Variants in VTA1 observed in about 807,000 individuals in gnomAD.
VTA1 encodes vacuolar protein sorting-associated protein VTA1 homolog.
VTA1 carries 24 observed loss-of-function variants against 36.9 expected under a neutral mutation model. The observed-to-expected ratio is 0.65, with a 90% CI of 0.47 to 0.91. The LOEUF (loss-of-function observed/expected upper bound fraction) is 0.91. Ranked by LOEUF, VTA1 falls within the 40% of genes least tolerant of loss-of-function variation. The probability of loss-of-function intolerance (pLI) is 0.00; values close to 1 mark genes in which losing one functional copy is unlikely to be tolerated. For missense variants in VTA1, 393 were observed against 377.2 expected, an observed-to-expected ratio of 1.04 and a Z score of -0.35; for synonymous variants, 142 against 130.2, an observed-to-expected ratio of 1.09 and a Z score of -0.62.
At chr6:142,155,492 A>G (rs1778646143) in intron 1 of VTA1, among the ~76,000 whole-genome samples, 1 of 152,190 alleles carries the variant, frequency 6.6e-6, no homozygotes. Context: ...ATTACAAAGC[A>G]TCTTTTATAA....
chr6:142,209,077 A>G (rs1165595881), intron 7 of VTA1, among the ~76,000 whole-genome samples: 1 of 152,188 alleles, frequency 6.6e-6, no homozygotes, highest in Non-Finnish European at 1.5e-5. Context: ...AAGTCAAATT[A>G]GCCTTGCTCA....
In VTA1 at chr6:142,218,597, A is replaced by G. The variant is rs780347299; in HGVS notation, c.878A>G (p.Gln293Arg). ...LQYEDVSTAV[Q>R]NLQKALKLLT... is the part of the protein sequence containing the mutation. ...TATGAAGATGTAAGCACTGCTGTCC[A>G]GAATCTACAAAAGGCTCTCAAGTTA... The change falls in exon 8 of 8, where the codon CAG (glutamine) becomes CGG (arginine). Residue 293 changes from glutamine (Q) to arginine (R), a missense_variant. Transcript: ENST00000367630. 1 of 1,612,950 alleles carries G rather than the reference A, an allele frequency of 6.2e-7. No individual in the cohort carries two copies. Among genetic ancestry groups the G allele is most frequent in the Non-Finnish European group, 8.5e-7 (1 of 1,179,582 alleles).
At chr6:142,178,841 A>T (rs980571765) in intron 4 of VTA1, among the ~76,000 whole-genome samples, 2 of 152,100 alleles carry the variant, frequency 1.3e-5, no homozygotes, top group Non-Finnish European at 2.9e-5. Flanking sequence ...CCTTAACTGT[A>T]TACTGTTTCT....
At chr6:142,181,687 A>C in intron 4 of VTA1, among the ~76,000 whole-genome samples, 1 of 151,646 alleles carries the variant, frequency 6.6e-6, no homozygotes, top group East Asian at 1.9e-4. Context: ...TACCGACCTT[A>C]CCTTGTTTGG....
At chr6:142,176,709 G>GT (rs1319673024) in intron 4 of VTA1, among the ~76,000 whole-genome samples, 1 of 151,462 alleles carries the variant, frequency 6.6e-6, no homozygotes, top group East Asian at 1.9e-4. Flanking sequence ...CATACAGATA[G>GT]ATATACAGCA....
intron 1 of VTA1, among the ~76,000 whole-genome samples, chr6:142,156,990 AC>A (rs1046121934): frequency 1.2e-4 from 19 of 152,140 alleles, no homozygotes; most frequent in African/African-American, 4.6e-4. Flanking sequence ...ATATGGTGAA[AC>A]CCTGTCTACT....
intron 1 of VTA1, among the ~76,000 whole-genome samples, chr6:142,152,070 TAAAAC>T (rs1054099538): frequency 2.6e-5 from 4 of 151,036 alleles, no homozygotes; most frequent in African/African-American, 9.7e-5. Context: ...AAGAAGAAAA[TAAAAC>T]AGCTGATGAG....
chr6:142,208,556 A>G (rs976780628), intron 7 of VTA1, among the ~76,000 whole-genome samples: 13 of 152,218 alleles, frequency 8.5e-5, no homozygotes, highest in Non-Finnish European at 1.3e-4. Context: ...TGAGAAAGAT[A>G]TAAATATCCA....
intron 1 of VTA1, among the ~76,000 whole-genome samples, chr6:142,164,371 T>C (rs749414340): frequency 6.6e-6 from 1 of 152,092 alleles, no homozygotes; most frequent in Non-Finnish European, 1.5e-5. Flanking sequence ...GTTACACTTT[T>C]GGAACTCTTT....
chr6:142,172,859 A>G (rs543493036), intron 4 of VTA1, among the ~76,000 whole-genome samples: 1 of 152,298 alleles, frequency 6.6e-6, no homozygotes, highest in East Asian at 1.9e-4. Context: ...TGGAAGACCT[A>G]CAATCTTCAG....
chr6:142,186,375 G>A (rs1227105273), intron 4 of VTA1, among the ~76,000 whole-genome samples: 4 of 152,080 alleles, frequency 2.6e-5, no homozygotes, highest in African/African-American at 4.8e-5. Flanking sequence ...AGATTGACAC[G>A]AATGGATTTA....
chr6:142,220,038 T>C lies in VTA1; in HGVS notation c.*1395T>C, dbSNP rs1776077800. On this transcript the variant is annotated 3_prime_UTR_variant, in exon 8 of 8. Transcript: ENST00000367630. ...CAAATCACTAACTCATAATCATTTA[T>C]ATCCATTATTTTCTGCATAAATGTA... 6.6e-6 allele frequency: 1 copy of C among 152,234 alleles called. No individual in the cohort carries two copies. The highest frequency in any genetic ancestry group is 1.5e-5 in the Non-Finnish European group (1 of 68,036). 9.4% of individuals were successfully genotyped at this position (152,234 alleles called of 1,614,324 possible).
At chr6:142,169,794 A>G in intron 3 of VTA1, 117 bp downstream of exon 3, 1 of 939,638 alleles carries the variant, frequency 1.1e-6, no homozygotes, top group Non-Finnish European at 1.4e-6. Context: ...TTTTTTAGAA[A>G]AAAATTATCA....
intron 4 of VTA1, among the ~76,000 whole-genome samples, chr6:142,176,027 G>T (rs893797573): frequency 3.3e-5 from 5 of 151,972 alleles, no homozygotes; most frequent in African/African-American, 9.7e-5. Context: ...TACATAAACT[G>T]TAGTTCTCTT....
chr6:142,191,527 T>G (rs1252606693), intron 5 of VTA1, among the ~76,000 whole-genome samples: 2 of 152,102 alleles, frequency 1.3e-5, no homozygotes, highest in African/African-American at 4.8e-5. Flanking sequence ...ATGTAGACAG[T>G]TTTTGTTTTC....
chr6:142,222,227 A>T lies in VTA1; in HGVS notation c.*3584A>T, dbSNP rs1776126182. 6.6e-6 allele frequency: 1 copy of T among 152,170 alleles called. No individual in the cohort carries two copies. The highest frequency in any genetic ancestry group is 2.1e-4 in the South Asian group (1 of 4,830). The allele number at this position is 152,170 out of a possible 1,614,324, so 9.4% of individuals were successfully genotyped here. A position where few individuals can be genotyped will look rare whatever the true frequency, so the allele number is the denominator to read the frequency against. ...GGGAAAGTTGCCGAATTCCTCTCTC[A>T]CTTAGACTGAAGTACAATGTTTCCA... On this transcript the variant is annotated 3_prime_UTR_variant, in exon 8 of 8. Transcript: ENST00000367630.
intron 1 of VTA1, among the ~76,000 whole-genome samples, chr6:142,162,241 C>T (rs1774825113): frequency 6.6e-6 from 1 of 152,158 alleles, no homozygotes; most frequent in African/African-American, 2.4e-5. Context: ...AGATGGCTGT[C>T]ACTAAAGCCA....
At chr6:142,194,064 A>G (rs944314560) in intron 5 of VTA1, among the ~76,000 whole-genome samples, 1 of 152,224 alleles carries the variant, frequency 6.6e-6, no homozygotes, top group Non-Finnish European at 1.5e-5. Context: ...CTAAAGGTCC[A>G]GTGATATGGG....
At chr6:142,194,942 T>A (rs893493813) in intron 5 of VTA1, among the ~76,000 whole-genome samples, 1 of 152,076 alleles carries the variant, frequency 6.6e-6, no homozygotes, top group African/African-American at 2.4e-5. Flanking sequence ...ATGAGTTACA[T>A]TGATTGATTT....
Sources: gnomAD v4.1 joint callset for allele counts (sites outside exome capture counted in the v4.1 genomes callset) on GRCh38, gnomAD v4.1.1 for gene constraint, MANE v1.5 for transcripts, NCBI Gene and HGNC (gene_info 2026-07-23, HGNC 2026-07-21) for gene names.